Variants in NDUFAF2 observed in about 807,000 individuals in gnomAD.
The protein encoded by NDUFAF2 is NADH dehydrogenase [ubiquinone] 1 alpha subcomplex assembly factor 2.
Under a neutral mutation model 22.8 loss-of-function variants are expected in NDUFAF2, and 13 were observed. That is an observed-to-expected ratio of 0.57 (90% CI 0.37 to 0.91). NDUFAF2 has a LOEUF of 0.91. NDUFAF2 is among the 40% of genes least tolerant of loss of function. NDUFAF2 has a pLI of 0.01. For synonymous variants in NDUFAF2, 53 were observed against 64.2 expected (o/e 0.83, Z 0.84); for missense variants, 162 against 195.2 (o/e 0.83, Z 1.01).
chr5:61,127,149 T>G (rs1579844252), intron 3 of NDUFAF2, among the ~76,000 whole-genome samples: 1 of 152,068 alleles, frequency 6.6e-6, no homozygotes, highest in South Asian at 2.1e-4. Flanking sequence ...AATTAATAGC[T>G]TACCGACCAA....
At chr5:61,057,345 A>AT (rs778281225) in intron 1 of NDUFAF2, among the ~76,000 whole-genome samples, 1 of 152,276 alleles carries the variant, frequency 6.6e-6, no homozygotes, top group East Asian at 1.9e-4. Flanking sequence ...AAAATGCTAC[A>AT]TTGTCTTACA....
In NDUFAF2 at chr5:61,129,468, TATG is replaced by T. The variant is rs556939955; in HGVS notation, c.259-23231_259-23229del. Among the ~76,000 whole-genome samples, 820 of 151,894 alleles carry T rather than the reference TATG, an allele frequency of 5.4e-3. 10 individuals carry two copies. Among genetic ancestry groups the T allele is most frequent in the African/African-American group, 0.019 (791 of 41,474 alleles). Reference sequence around the variant, plus strand: ...CATGGAATACTATGCAGCCATAAAATATGATGAGTTCATGTCCTTTTTAGGGAC... The same window carrying T: ...CATGGAATACTATGCAGCCATAAAATATGAGTTCATGTCCTTTTTAGGGAC... On this transcript the variant is annotated intron_variant, in intron 3 of 3. Coordinates refer to ENST00000296597, the MANE Select transcript of NDUFAF2 (RefSeq NM_174889.5).
chr5:61,017,364 T>C (rs1751525033), intron 1 of NDUFAF2, among the ~76,000 whole-genome samples: 1 of 144,112 alleles, frequency 6.9e-6, no homozygotes, highest in Non-Finnish European at 1.5e-5. Flanking sequence ...AAATAGATTA[T>C]TGATTCGGGT....
chr5:61,129,832 A>G (rs1375800481), intron 3 of NDUFAF2, among the ~76,000 whole-genome samples: 2 of 152,138 alleles, frequency 1.3e-5, no homozygotes, highest in East Asian at 3.9e-4. Flanking sequence ...TAATAGTAGA[A>G]AATAAATGCT....
chr5:61,038,619 C>A (rs1199504904), intron 1 of NDUFAF2, among the ~76,000 whole-genome samples: 2 of 152,132 alleles, frequency 1.3e-5, no homozygotes, highest in African/African-American at 4.8e-5. Flanking sequence ...TCTCTCTTAC[C>A]TTTTAAACCA....
chr5:61,123,479 G>C (rs1264591466), intron 3 of NDUFAF2, among the ~76,000 whole-genome samples: 1 of 152,056 alleles, frequency 6.6e-6, no homozygotes, highest in African/African-American at 2.4e-5. Flanking sequence ...GTGTTTCTAA[G>C]TATATCTAAA....
At chr5:60,953,299 T>C (rs1015454594) in intron 1 of NDUFAF2, among the ~76,000 whole-genome samples, 1 of 152,018 alleles carries the variant, frequency 6.6e-6, no homozygotes, top group African/African-American at 2.4e-5. Flanking sequence ...CAATATAAGC[T>C]GGAAGACAGT....
At chr5:61,027,312 T>C (rs2112607468) in intron 1 of NDUFAF2, among the ~76,000 whole-genome samples, 1 of 151,712 alleles carries the variant, frequency 6.6e-6, no homozygotes, top group Non-Finnish European at 1.5e-5. Flanking sequence ...TTTTTTTTTT[T>C]TGAGTTTCAG....
intron 1 of NDUFAF2, among the ~76,000 whole-genome samples, chr5:61,001,111 C>G (rs1164017358): frequency 2.0e-5 from 3 of 152,120 alleles, no homozygotes; most frequent in African/African-American, 7.2e-5. Context: ...TATTCTCTTT[C>G]TTTGGCAGAA....
At chr5:61,055,139 T>G (rs559427789) in intron 1 of NDUFAF2, among the ~76,000 whole-genome samples, 6 of 152,218 alleles carry the variant, frequency 3.9e-5, no homozygotes, top group Non-Finnish European at 8.8e-5. Flanking sequence ...ATTCTATTCC[T>G]TTATTTACCA....
At chr5:61,007,803 T>C (rs1299252496) in intron 1 of NDUFAF2, among the ~76,000 whole-genome samples, 1 of 152,074 alleles carries the variant, frequency 6.6e-6, no homozygotes, top group African/African-American at 2.4e-5. Flanking sequence ...CATTACTGGG[T>C]ATATACCCAA....
intron 3 of NDUFAF2, among the ~76,000 whole-genome samples, chr5:61,139,510 G>A (rs568777525): frequency 3.3e-5 from 5 of 152,324 alleles, no homozygotes; most frequent in African/African-American, 1.2e-4. Flanking sequence ...TGGCCAAGAA[G>A]GAGCTAACAG....
At chr5:60,948,416 G>A (rs1050185607) in intron 1 of NDUFAF2, among the ~76,000 whole-genome samples, 1 of 152,086 alleles carries the variant, frequency 6.6e-6, no homozygotes, top group African/African-American at 2.4e-5. Flanking sequence ...GTTTCACCAT[G>A]TTGGTTAGGC....
chr5:61,081,259 GC>G (rs752225786), intron 2 of NDUFAF2, among the ~76,000 whole-genome samples: 30 of 152,180 alleles, frequency 2.0e-4, no homozygotes, highest in Admixed American at 3.3e-4. Context: ...TTTTGAGTCT[GC>G]CAACTTCTTT....
intron 1 of NDUFAF2, among the ~76,000 whole-genome samples, chr5:61,062,058 A>C (rs1752171236): frequency 6.6e-6 from 1 of 152,184 alleles, no homozygotes; most frequent in Non-Finnish European, 1.5e-5. Flanking sequence ...TACATGTGAA[A>C]GTCTTCACCT....
intron 2 of NDUFAF2, among the ~76,000 whole-genome samples, chr5:61,084,884 A>C (rs1752487674): frequency 6.6e-6 from 1 of 152,138 alleles, no homozygotes. Flanking sequence ...TGTCAGAATG[A>C]TATATATAGA....
chr5:61,016,326 A>G (rs549349194), intron 1 of NDUFAF2, among the ~76,000 whole-genome samples: 137 of 152,336 alleles, frequency 9.0e-4, no homozygotes, highest in Non-Finnish European at 1.7e-3. Context: ...GGTATGTTAT[A>G]TAAGATGAAA....
At chr5:61,032,981 C>T (rs188668969) in intron 1 of NDUFAF2, among the ~76,000 whole-genome samples, 117 of 151,940 alleles carry the variant, frequency 7.7e-4, no homozygotes, top group Middle Eastern at 3.4e-3. Flanking sequence ...TCTTTTTTCT[C>T]ATTATTTTGG....
At chr5:60,965,376 G>A (rs906158211) in intron 1 of NDUFAF2, among the ~76,000 whole-genome samples, 4 of 152,026 alleles carry the variant, frequency 2.6e-5, no homozygotes, top group Admixed American at 2.6e-4. Context: ...TTTTTTTGTG[G>A]TGAGAACACT....
Sources: allele counts gnomAD v4.1 joint callset (sites outside exome capture counted in the v4.1 genomes callset), GRCh38; gene constraint gnomAD v4.1.1; transcripts MANE v1.5; gene names NCBI Gene and HGNC (gene_info 2026-07-23, HGNC 2026-07-21).